ATXN1: variants seen among roughly 807,000 people sequenced by gnomAD.
ATXN1 encodes ataxin-1.
Under a neutral mutation model 56.4 loss-of-function variants are expected in ATXN1, and 8 were observed. The ratio of observed to expected loss-of-function variants is 0.14; its 90% CI spans 0.08 to 0.26. The LOEUF (loss-of-function observed/expected upper bound fraction) is 0.26. Among genes scored for constraint, ATXN1 ranks in the 10% least tolerant of loss-of-function variants. The pLI is 1.00. For missense variants in ATXN1, 987 were observed against 1,106.5 expected (o/e 0.89, Z 1.53); for synonymous variants, 514 against 494.6 (o/e 1.04, Z -0.52).
At chr6:16,665,282 G>C (rs533420686) in intron 2 of ATXN1, among the ~76,000 whole-genome samples, 4 of 152,210 alleles carry the variant, frequency 2.6e-5, no homozygotes, top group African/African-American at 9.6e-5. Context: ...AGTCTATCTT[G>C]AACTTTGGAT....
At chr6:16,455,428 A>G (rs989344588) in intron 6 of ATXN1, among the ~76,000 whole-genome samples, 3 of 152,246 alleles carry the variant, frequency 2.0e-5, no homozygotes, top group East Asian at 3.8e-4. Flanking sequence ...AGATGCTGGC[A>G]AGGATGCAGA....
chr6:16,686,224 AAC>A (rs1287068987), intron 2 of ATXN1, among the ~76,000 whole-genome samples: 1 of 152,224 alleles, frequency 6.6e-6, no homozygotes, highest in Non-Finnish European at 1.5e-5. Context: ...AAACATACAT[AAC>A]ACAGAGTCTT....
intron 3 of ATXN1, among the ~76,000 whole-genome samples, chr6:16,626,788 GC>G (rs1763414691): frequency 6.6e-6 from 1 of 152,130 alleles, no homozygotes; most frequent in African/African-American, 2.4e-5. Context: ...ATATGAAAGG[GC>G]CCTATTCCAC....
intron 6 of ATXN1, among the ~76,000 whole-genome samples, chr6:16,481,984 A>C (rs1760448846): frequency 6.6e-6 from 1 of 152,006 alleles, no homozygotes; most frequent in Non-Finnish European, 1.5e-5. Flanking sequence ...GTATTAGAAA[A>C]TCCCCAAACT....
intron 2 of ATXN1, among the ~76,000 whole-genome samples, chr6:16,736,102 C>T (rs1760119934): frequency 6.6e-6 from 1 of 152,200 alleles, no homozygotes; most frequent in Admixed American, 6.5e-5. Flanking sequence ...ATATTCATGG[C>T]TAAACTCCAG....
At chr6:16,322,696 G>A (rs1202539644) in intron 7 of ATXN1, among the ~76,000 whole-genome samples, 11 of 152,096 alleles carry the variant, frequency 7.2e-5, no homozygotes, top group Admixed American at 7.2e-4. Flanking sequence ...GTAGCCTTTG[G>A]AACCTCAATT....
chr6:16,631,846 C>T (rs1163537507), intron 3 of ATXN1, among the ~76,000 whole-genome samples: 1 of 152,162 alleles, frequency 6.6e-6, no homozygotes, highest in Non-Finnish European at 1.5e-5. Context: ...ATAACTAAAA[C>T]TCAAGCATCA....
At chr6:16,355,605 A>G (rs1197133844) in intron 6 of ATXN1, among the ~76,000 whole-genome samples, 2 of 150,606 alleles carry the variant, frequency 1.3e-5, no homozygotes, top group African/African-American at 4.9e-5. Context: ...TCTGTCGCCC[A>G]GGCCGGTGTG....
intron 6 of ATXN1, among the ~76,000 whole-genome samples, chr6:16,402,259 T>G (rs1252659988): frequency 0.23 from 21,356 of 91,798 alleles, 2,240 homozygotes; most frequent in South Asian, 0.29. Flanking sequence ...TTTTTTTTTT[T>G]TTTTTTTTTT....
rs1758773284 is a variant in ATXN1, at chr6:16,410,423, T to C, written c.-161+75549A>G. 6.6e-6 allele frequency among the ~76,000 whole-genome samples: 1 copy of C among 152,012 alleles called. No homozygotes were observed. Among genetic ancestry groups the C allele is most frequent in the African/African-American group, 2.4e-5 (1 of 41,384 alleles). ...ACTTACAAAGGTGAGGAGCAGGGAG[T>C]ACATTTCTTTCCTAATGCTTGCACT... On this transcript the variant is annotated intron_variant, in intron 6 of 7. Transcript: ENST00000436367. This position sits in a 1 kb window ranked among gnomAD's most constrained non-coding sequence, Gnocchi z 4.6.
chr6:16,458,787 G>A (rs528498836), intron 6 of ATXN1, among the ~76,000 whole-genome samples: 145 of 152,296 alleles, frequency 9.5e-4, no homozygotes, highest in African/African-American at 3.4e-3. Flanking sequence ...CTATGCCAAG[G>A]CAATCACTAG....
chr6:16,573,622 A>C (rs1215566771), intron 4 of ATXN1, among the ~76,000 whole-genome samples: 1 of 152,084 alleles, frequency 6.6e-6, no homozygotes, highest in East Asian at 1.9e-4. Context: ...TTAACTTCAC[A>C]TTCCTCCGCC....
intron 1 of ATXN1, among the ~76,000 whole-genome samples, chr6:16,755,247 T>C (rs1475124068): frequency 6.6e-6 from 1 of 152,206 alleles, no homozygotes; most frequent in Non-Finnish European, 1.5e-5. Flanking sequence ...GTTGCTGCAC[T>C]AGTTAGGATA....
intron 2 of ATXN1, among the ~76,000 whole-genome samples, chr6:16,730,506 T>TATATATATATATATATATATAA (rs1367623215): frequency 1.3e-4 from 19 of 147,122 alleles, no homozygotes; most frequent in Admixed American, 2.7e-4. Flanking sequence ...TATATATATA[T>TATATATATATATATATATATAA]AAATGTATTT....
intron 1 of ATXN1, among the ~76,000 whole-genome samples, chr6:16,757,814 G>A (rs1487528529): frequency 8.4e-6 from 1 of 119,410 alleles, no homozygotes; most frequent in Non-Finnish European, 1.6e-5. Flanking sequence ...CAGAGCTTCA[G>A]CAACTAAAGC....
intron 6 of ATXN1, among the ~76,000 whole-genome samples, chr6:16,334,698 T>C (rs538234993): frequency 5.5e-4 from 84 of 152,192 alleles, no homozygotes; most frequent in Admixed American, 2.4e-3. Context: ...GCCTAGGTGA[T>C]AAAGCAAGAC....
chr6:16,439,535 G>C (rs1254788171), intron 6 of ATXN1, among the ~76,000 whole-genome samples: 1 of 151,904 alleles, frequency 6.6e-6, no homozygotes, highest in African/African-American at 2.4e-5. Context: ...TGATGAATTA[G>C]TAGTGGTTGG....
intron 4 of ATXN1, among the ~76,000 whole-genome samples, chr6:16,581,230 CGTGTGTGTGT>C (rs1211990167): frequency 7.8e-6 from 1 of 127,828 alleles, no homozygotes; most frequent in East Asian, 2.3e-4. Flanking sequence ...TGTGTGCGCG[CGTGTGTGTGT>C]GTGTGTGTGT....
intron 6 of ATXN1, among the ~76,000 whole-genome samples, chr6:16,353,839 GAGTCGA>G (rs529106043): frequency 2.3e-3 from 357 of 152,362 alleles, no homozygotes; most frequent in African/African-American, 7.9e-3. Context: ...AGGGTCCCCT[GAGTCGA>G]TAATCAGAAA....
Sources: gnomAD v4.1 joint callset for allele counts (sites outside exome capture counted in the v4.1 genomes callset) on GRCh38, gnomAD v4.1.1 for gene constraint, Gnocchi (gnomAD v3.1) non-coding constraint, MANE v1.5 for transcripts, NCBI Gene and HGNC (gene_info 2026-07-23, HGNC 2026-07-21) for gene names.